MTMR9: variants seen among roughly 807,000 people sequenced by gnomAD.
MTMR9 encodes myotubularin-related protein 9.
MTMR9 carries 39 observed loss-of-function variants against 69.5 expected under a neutral mutation model. The observed-to-expected ratio is 0.56, with a 90% CI of 0.43 to 0.73. MTMR9 has a LOEUF of 0.73. Among genes scored for constraint, MTMR9 ranks in the 30% least tolerant of loss-of-function variants. The pLI is 0.00. For synonymous variants in MTMR9, 354 were observed against 240.8 expected (o/e 1.47, Z -4.35); for missense variants, 900 against 671.2 (o/e 1.34, Z -3.77).
intron 2 of MTMR9, among the ~76,000 whole-genome samples, chr8:11,296,604 A>T (rs1799571474): frequency 1.3e-5 from 2 of 152,078 alleles, no homozygotes; most frequent in Admixed American, 6.5e-5. Flanking sequence ...TGACTACTTT[A>T]GGTATCTCAT....
intron 1 of MTMR9, among the ~76,000 whole-genome samples, chr8:11,291,203 T>C (rs542211896): frequency 6.5e-4 from 99 of 152,274 alleles, no homozygotes; most frequent in African/African-American, 2.4e-3. Context: ...TGGAGTCAAA[T>C]TGACATCTTG....
downstream of MTMR9, chr8:11,331,854 C>G (rs201671123): frequency 1.2e-6 from 2 of 1,612,028 alleles, no homozygotes; most frequent in Non-Finnish European, 1.7e-6. Flanking sequence ...GCCCAGTGAC[C>G]TCCTGAGTTG....
At position 11,319,763 on chromosome 8, in the gene MTMR9, A is replaced by G. The variant is rs372670254; in HGVS notation, c.1411A>G (p.Thr471Ala). ...TCAGCCCAGTGAGCTGAGTAAATTC[A>G]CCAATCCCCTCTTTGAAGCCAACAA... ...VNQPSELSKF[T>A]NPLFEANNLV... Residue 471 changes from threonine (T) to alanine (A), a missense_variant, in exon 9 of 10, where the codon ACC (threonine) becomes GCC (alanine). Transcript: ENST00000221086. 2 of 1,614,082 alleles carry G rather than the reference A, an allele frequency of 1.2e-6. No individual in the cohort carries two copies. The highest frequency in any genetic ancestry group is 2.7e-5 in the African/African-American group (2 of 74,938).
At chr8:11,311,996 CA>C (rs1221749004) in intron 6 of MTMR9, among the ~76,000 whole-genome samples, 1 of 151,324 alleles carries the variant, frequency 6.6e-6, no homozygotes, top group Non-Finnish European at 1.5e-5. Flanking sequence ...CTTATTTCTT[CA>C]AGTTTCATCA....
In MTMR9 at chr8:11,314,971, A is replaced by T; in HGVS notation, c.1020A>T (p.Thr340=). 6.2e-7 allele frequency: 1 copy of T among 1,613,888 alleles called. No homozygotes were observed. Among genetic ancestry groups the T allele is most frequent in the Non-Finnish European group, 8.5e-7 (1 of 1,179,878 alleles). The change falls in exon 7 of 10, where the codon ACA becomes ACT. Residue 340 remains threonine (T), a synonymous_variant. Transcript: ENST00000221086. Reference sequence around the variant, plus strand: ...ACGGAACAGAAGGAACTGATTCCACACTCCAGGTGACCTCCTTGGCCCAGA... The same window carrying T: ...ACGGAACAGAAGGAACTGATTCCACTCTCCAGGTGACCTCCTTGGCCCAGA... ...LIHGTEGTDS[T]LQVTSLAQII...
At chr8:11,332,162 A>G (rs1323459391), downstream of MTMR9, 8 of 1,610,056 alleles carry the variant, frequency 5.0e-6, no homozygotes, top group Non-Finnish European at 6.8e-6. Context: ...AGGGACAGGG[A>G]TAAATAAAGA....
chr8:11,304,800 T>G lies in MTMR9; in HGVS notation c.418-41T>G, dbSNP rs190090618. The G allele has an allele frequency of 2.2e-3, 3,329 of 1,535,878 alleles. 2 individuals carry two copies. Among genetic ancestry groups the G allele is most frequent in the African/African-American group, 4.0e-3 (292 of 72,862 alleles). On this transcript the variant is annotated intron_variant, in intron 3 of 9. Transcript: ENST00000221086. ...AATTTCTCAGATTATTTTGCGACATTGAGATAGTTGCTTAGCTTTGAAGTA... is the reference window on the plus strand; with the variant it reads ...AATTTCTCAGATTATTTTGCGACATGGAGATAGTTGCTTAGCTTTGAAGTA...
chr8:11,303,520 G>T (rs1364476310), intron 3 of MTMR9, among the ~76,000 whole-genome samples: 2 of 151,686 alleles, frequency 1.3e-5, no homozygotes, highest in Non-Finnish European at 2.9e-5. Flanking sequence ...TAGAAACTGT[G>T]TTTTTTTTAA....
rs1038320208 is a variant in MTMR9, at chr8:11,324,052, A to G, written c.*1264A>G. On this transcript the variant is annotated 3_prime_UTR_variant, in exon 10 of 10. Coordinates refer to ENST00000221086, the MANE Select transcript of MTMR9 (RefSeq NM_015458.4). ...GGTGACATTGCTCATTTTAACAAAT[A>G]TGACCGAGTCTAGTTTTTCTTTAAA... 4 of 152,200 alleles carry G rather than the reference A, an allele frequency of 2.6e-5. No individual in the cohort carries two copies. The highest frequency in any genetic ancestry group is 7.2e-5 in the African/African-American group (3 of 41,448). The allele number at this position is 152,200 out of a possible 1,614,324, so 9.4% of individuals were successfully genotyped here.
At chr8:11,285,168 C>A in intron 1 of MTMR9, 98 bp downstream of exon 1, 1 of 1,259,484 alleles carries the variant, frequency 7.9e-7, no homozygotes, top group Non-Finnish European at 1.1e-6. Context: ...GCCTGCCGCC[C>A]AGCTAGCCGG....
chr8:11,302,919 A>T (rs1799800276), intron 3 of MTMR9, among the ~76,000 whole-genome samples: 1 of 152,160 alleles, frequency 6.6e-6, no homozygotes, highest in South Asian at 2.1e-4. Context: ...AAAGATAGTA[A>T]GACCTTTATT....
At chr8:11,287,822 ATAAT>A (rs1799224118) in intron 1 of MTMR9, among the ~76,000 whole-genome samples, 1 of 124,274 alleles carries the variant, frequency 8.0e-6, no homozygotes, top group Non-Finnish European at 1.6e-5. Context: ...CATATAATAT[ATAAT>A]ATATAACATT....
chr8:11,317,264 A>T (rs1474693475), intron 8 of MTMR9: 2 of 154,160 alleles, frequency 1.3e-5, no homozygotes, highest in African/African-American at 2.4e-5. Context: ...TTTTCCCAGG[A>T]CATAGAGTCA....
At chr8:11,306,073 A>G in intron 4 of MTMR9, 117 bp from the exon 5 acceptor site, 1 of 775,392 alleles carries the variant, frequency 1.3e-6, no homozygotes, top group South Asian at 1.8e-5. Context: ...GATCAAATCC[A>G]TCTGCAGAGT....
chr8:11,293,939 T>C (rs868817145), intron 1 of MTMR9, among the ~76,000 whole-genome samples: 1 of 152,238 alleles, frequency 6.6e-6, no homozygotes, highest in Admixed American at 6.5e-5. Context: ...TCTTAATTAC[T>C]GTAGCTTTAT....
chr8:11,288,206 TATATA>T (rs1450751498), intron 1 of MTMR9, among the ~76,000 whole-genome samples: 13 of 137,474 alleles, frequency 9.5e-5, no homozygotes, highest in East Asian at 2.0e-4. Flanking sequence ...GTAATTATTA[TATATA>T]ATATATTAAT....
the MTMR9 span, among the ~76,000 whole-genome samples, chr8:11,336,907 T>C: frequency 6.6e-6 from 1 of 152,162 alleles, no homozygotes; most frequent in African/African-American, 2.4e-5. Flanking sequence ...ACTGTTTAGC[T>C]TGGAAAGTCA....
chr8:11,303,897 A>T (rs1336824842), intron 3 of MTMR9, among the ~76,000 whole-genome samples: 2 of 152,228 alleles, frequency 1.3e-5, no homozygotes, highest in African/African-American at 4.8e-5. Context: ...TTTAATTAAA[A>T]ATGTGATACT....
chr8:11,321,326 G>T, intron 9 of MTMR9: 1 of 444,084 alleles, frequency 2.3e-6, no homozygotes, highest in Non-Finnish European at 4.5e-6. Flanking sequence ...CAGGGTTCAT[G>T]ATCTCTTAAA....
Sources: gnomAD v4.1 joint callset for allele counts (sites outside exome capture counted in the v4.1 genomes callset) on GRCh38, gnomAD v4.1.1 for gene constraint, MANE v1.5 for transcripts, NCBI Gene and HGNC (gene_info 2026-07-23, HGNC 2026-07-21) for gene names.